Variants in SLC4A4 observed in about 807,000 individuals in gnomAD.
The protein encoded by SLC4A4 is solute carrier family 4 member 4.
Under a neutral mutation model 111.5 loss-of-function variants are expected in SLC4A4, and 27 were observed. The observed-to-expected ratio is 0.24, with a 90% CI of 0.18 to 0.33. The LOEUF is 0.33. Ranked by LOEUF, SLC4A4 falls within the 10% of genes least tolerant of loss-of-function variation. SLC4A4 has a pLI of 1.00. For missense variants in SLC4A4, 909 were observed against 1,315.5 expected, an observed-to-expected ratio of 0.69 and a Z score of 4.78; for synonymous variants, 443 against 463.4, an observed-to-expected ratio of 0.96 and a Z score of 0.57.
intron 3 of SLC4A4, among the ~76,000 whole-genome samples, chr4:71,263,909 T>C (rs1722050676): frequency 6.6e-6 from 1 of 152,188 alleles, no homozygotes; most frequent in African/African-American, 2.4e-5. Context: ...TAAAGAACTG[T>C]ATAGCTTTCT....
chr4:71,138,967 C>T (rs1054069637), intron 2 of SLC4A4, among the ~76,000 whole-genome samples: 5 of 132,172 alleles, frequency 3.8e-5, no homozygotes, highest in Non-Finnish European at 6.2e-5. Flanking sequence ...ACCCGGGAGG[C>T]GGAGCTTGCA....
chr4:71,252,300 A>G (rs570092029), intron 2 of SLC4A4, among the ~76,000 whole-genome samples: 3 of 152,272 alleles, frequency 2.0e-5, no homozygotes, highest in African/African-American at 7.2e-5. Flanking sequence ...TCCCTTTGAG[A>G]CAGCATGTCT....
At chr4:71,063,298 A>T (rs1741434212) in intron 1 of SLC4A4, among the ~76,000 whole-genome samples, 1 of 152,164 alleles carries the variant, frequency 6.6e-6, no homozygotes, top group Admixed American at 6.5e-5. Context: ...GTGTTCTGAA[A>T]CGTTTCTGTT....
intron 14 of SLC4A4, among the ~76,000 whole-genome samples, chr4:71,482,379 T>C (rs1728962465): frequency 6.6e-6 from 1 of 151,586 alleles, no homozygotes; most frequent in Non-Finnish European, 1.5e-5. Context: ...TAATAGCTTG[T>C]CTTAGGGGAA....
chr4:71,079,891 T>C (rs1343501878), intron 1 of SLC4A4, among the ~76,000 whole-genome samples: 1 of 152,090 alleles, frequency 6.6e-6, no homozygotes, highest in Non-Finnish European at 1.5e-5. Context: ...GCGGTTTAAG[T>C]GTATGCTGAA....
chr4:71,335,750 G>A (rs1300356444), intron 3 of SLC4A4, among the ~76,000 whole-genome samples: 5 of 152,046 alleles, frequency 3.3e-5, no homozygotes, highest in African/African-American at 4.8e-5. Context: ...GTGTGAACCC[G>A]GGAGGCGGAG....
At chr4:71,147,565 T>G (rs1439092125) in intron 2 of SLC4A4, among the ~76,000 whole-genome samples, 2 of 151,940 alleles carry the variant, frequency 1.3e-5, no homozygotes, top group Non-Finnish European at 1.5e-5. Context: ...TATGATGGAG[T>G]ACAGTTGGAG....
chr4:71,073,915 C>T (rs1053444061), intron 1 of SLC4A4, among the ~76,000 whole-genome samples: 3 of 151,864 alleles, frequency 2.0e-5, no homozygotes, highest in African/African-American at 7.3e-5. Context: ...GAAAACCTGT[C>T]TCTACAAAAA....
chr4:71,307,818 C>A (rs1725813574), intron 3 of SLC4A4, among the ~76,000 whole-genome samples: 1 of 152,090 alleles, frequency 6.6e-6, no homozygotes, highest in South Asian at 2.1e-4. Context: ...TGTGTGGAAT[C>A]AATAAAAACC....
At position 71,453,557 on chromosome 4, in the gene SLC4A4, A is replaced by C; in HGVS notation, c.1385A>C (p.Tyr462Ser). ...GCGCCATTTTTTGCCAGTGATTTTTATGATGCTTTAAATATTCAAGCTCTT... is the reference window on the plus strand; with the variant it reads ...GCGCCATTTTTTGCCAGTGATTTTTCTGATGCTTTAAATATTCAAGCTCTT... ...RKAPFFASDF[Y>S]DALNIQALSA... Residue 462 changes from tyrosine (Y) to serine (S), a missense_variant, in exon 12 of 26, where the codon TAT becomes TCT. This residue lies in a region of SLC4A4 where 312 missense variants were observed against 402.0 expected (regional missense o/e 0.78). Transcript: ENST00000264485. The C allele has an allele frequency of 6.2e-7, 1 of 1,613,990 alleles. No homozygotes were observed. Among genetic ancestry groups the C allele is most frequent in the Non-Finnish European group, 8.5e-7 (1 of 1,179,884 alleles).
chr4:71,557,177 CCA>C (rs1282999707), intron 21 of SLC4A4, among the ~76,000 whole-genome samples: 5 of 152,070 alleles, frequency 3.3e-5, no homozygotes, highest in Middle Eastern at 6.8e-3. Context: ...TCAAAGTATG[CCA>C]CTCAGATAAG....
intron 7 of SLC4A4, among the ~76,000 whole-genome samples, chr4:71,409,406 G>A (rs929270352): frequency 6.6e-6 from 1 of 152,190 alleles, no homozygotes; most frequent in South Asian, 2.1e-4. Flanking sequence ...TGTGTAACTT[G>A]TTGGGAACTG....
rs779099011 is a variant in SLC4A4 at position 71,447,641 on chromosome 4, AT to A, written c.966-3del. The A allele has an allele frequency of 7.3e-5, 117 of 1,594,202 alleles. No individual in the cohort carries two copies. Among genetic ancestry groups the A allele is most frequent in the Non-Finnish European group, 9.8e-5 (114 of 1,162,514 alleles). On this transcript the variant is annotated splice_polypyrimidine_tract_variant and splice_region_variant and intron_variant, in intron 8 of 25. Coordinates refer to ENST00000264485, the MANE Select transcript of SLC4A4 (RefSeq NM_001098484.3). The stretch of plus-strand genomic sequence containing the variant: ...ATAGCCTTTGCTTCTTTCCTTTTCC[AT>A]TAGGTTCTTGTTCATTCTCTTAGGT...
At chr4:71,419,214 T>G (rs905522272) in intron 7 of SLC4A4, among the ~76,000 whole-genome samples, 1 of 152,174 alleles carries the variant, frequency 6.6e-6, no homozygotes, top group Admixed American at 6.5e-5. Flanking sequence ...GAACCACTGC[T>G]CTCTTCAAAG....
At chr4:71,218,115 C>A (rs1470311144) in intron 1 of SLC4A4, among the ~76,000 whole-genome samples, 1 of 152,094 alleles carries the variant, frequency 6.6e-6, no homozygotes, top group Admixed American at 6.6e-5. Context: ...ATAAGCAAGT[C>A]CCAAATCTCC....
chr4:71,334,097 C>T (rs928514752), intron 3 of SLC4A4, among the ~76,000 whole-genome samples: 1 of 152,068 alleles, frequency 6.6e-6, no homozygotes, highest in African/African-American at 2.4e-5. Context: ...TCCCCATGGC[C>T]ACCACAGCTG....
intron 6 of SLC4A4, 150 bp from the exon 7 acceptor site, chr4:71,397,427 C>T: frequency 2.7e-6 from 2 of 738,804 alleles, no homozygotes; most frequent in East Asian, 5.3e-5. Flanking sequence ...CCAACCTGGA[C>T]TCTGGAAAAC....
chr4:71,502,443 T>A (rs967469313), intron 16 of SLC4A4, among the ~76,000 whole-genome samples: 4 of 152,224 alleles, frequency 2.6e-5, no homozygotes, highest in African/African-American at 9.6e-5. Context: ...AGAAATCTTC[T>A]TTCGATGTAG....
At chr4:71,279,272 G>T (rs2602052) in intron 3 of SLC4A4, among the ~76,000 whole-genome samples, 4,875 of 152,094 alleles carry the variant, frequency 0.032, 280 homozygotes, top group African/African-American at 0.11. Flanking sequence ...CTGCCATTCT[G>T]CTCTCTGCCT....
Sources: allele counts gnomAD v4.1 joint callset (sites outside exome capture counted in the v4.1 genomes callset), GRCh38; gene constraint gnomAD v4.1.1; regional missense constraint gnomAD v4.1.1; transcripts MANE v1.5; gene names NCBI Gene and HGNC (gene_info 2026-07-23, HGNC 2026-07-21).